The following ADGRV1 variants were observed in gnomAD, a reference collection of about 807,000 sequenced individuals.
The protein encoded by ADGRV1 is adhesion G protein-coupled receptor V1.
In ADGRV1, 359 loss-of-function variants were observed where a neutral mutation model predicts 596.2. The ratio of observed to expected loss-of-function variants is 0.60; its 90% CI spans 0.55 to 0.66. The LOEUF (loss-of-function observed/expected upper bound fraction) is 0.66. Among genes scored for constraint, ADGRV1 ranks in the 30% least tolerant of loss-of-function variants. ADGRV1 has a pLI of 0.00. For missense variants in ADGRV1, 7,274 were observed against 7,575.6 expected (o/e 0.96, Z 1.48); for synonymous variants, 2,681 against 2,679.2 (o/e 1.00, Z -0.02).
intron 87 of ADGRV1, among the ~76,000 whole-genome samples, chr5:91,135,178 C>CA (rs70973732): frequency 0.086 from 7,952 of 92,682 alleles, 259 homozygotes; most frequent in African/African-American, 0.11. Context: ...GACTCCATCT[C>CA]AAAAAAAAAA....
At chr5:90,700,762 T>A (rs1747808435) in intron 34 of ADGRV1, among the ~76,000 whole-genome samples, 2 of 152,204 alleles carry the variant, frequency 1.3e-5, no homozygotes, top group African/African-American at 4.8e-5. Flanking sequence ...ACTGTTCTTT[T>A]TGACAGTCTG....
chr5:90,748,762 A>G (rs975200721), intron 52 of ADGRV1, among the ~76,000 whole-genome samples: 2 of 151,836 alleles, frequency 1.3e-5, no homozygotes, highest in Non-Finnish European at 2.9e-5. Context: ...TTTTATCCTT[A>G]TAAAAAGTTT....
chr5:90,961,609 AATTGAGGTTT>A (rs1778040727), intron 83 of ADGRV1, among the ~76,000 whole-genome samples: 1 of 151,638 alleles, frequency 6.6e-6, no homozygotes, highest in African/African-American at 2.4e-5. Context: ...GAGCACTGAG[AATTGAGGTTT>A]ATAGGAAAAC....
At chr5:90,817,446 T>G (rs1460862763) in intron 75 of ADGRV1, among the ~76,000 whole-genome samples, 9 of 151,392 alleles carry the variant, frequency 5.9e-5, no homozygotes, top group African/African-American at 1.7e-4. Context: ...TTTTGGCTTT[T>G]GTTGCCATTG....
chr5:90,674,369 C>A, intron 23 of ADGRV1, 135 bp downstream of exon 23: 1 of 500,442 alleles, frequency 2.0e-6, no homozygotes, highest in Non-Finnish European at 3.4e-6. Flanking sequence ...AACTCTTTAA[C>A]TTGTATGCTA....
In ADGRV1 at chr5:90,778,901, G is replaced by A; in HGVS notation, c.12886G>A (p.Gly4296Ser). 1 of 1,613,176 alleles carries A rather than the reference G, an allele frequency of 6.2e-7. No individual in the cohort carries two copies. The highest frequency in any genetic ancestry group is 1.1e-5 in the South Asian group (1 of 90,996). ...ITIIRSSGDF[G>S]HVRLWYKTMS... is the part of the protein sequence containing the mutation. ...AATCATCCGTTCCAGTGGAGATTTT[G>A]GCCATGTGCGACTCTGGTACAAGAC... Residue 4296 changes from glycine to serine, a missense_variant, in exon 64 of 90, where the codon GGC (glycine) becomes AGC (serine). By Grantham distance (56) the Gly-to-Ser change is moderately conservative. This residue lies in a region of ADGRV1 where 3,643 missense variants were observed against 3,809.2 expected (regional missense o/e 0.96). Transcript: ENST00000405460.
At chr5:91,154,566 C>T (rs923508976) in intron 89 of ADGRV1, among the ~76,000 whole-genome samples, 1 of 152,210 alleles carries the variant, frequency 6.6e-6, no homozygotes, top group Admixed American at 6.5e-5. Context: ...AACCGCCTCT[C>T]GAGTGCTTTG....
chr5:90,879,889 T>G (rs1769590276), intron 83 of ADGRV1, among the ~76,000 whole-genome samples: 1 of 152,122 alleles, frequency 6.6e-6, no homozygotes, highest in Non-Finnish European at 1.5e-5. Context: ...AGGCAGAGGT[T>G]GCTGTGAGCT....
At chr5:90,862,552 G>A (rs924195554) in intron 82 of ADGRV1, among the ~76,000 whole-genome samples, 1 of 152,084 alleles carries the variant, frequency 6.6e-6, no homozygotes, top group Admixed American at 6.6e-5. Context: ...ACAATATCTA[G>A]CATGACTCTG....
At chr5:90,674,341 C>G in intron 23 of ADGRV1, 107 bp downstream of exon 23, 1 of 659,942 alleles carries the variant, frequency 1.5e-6, no homozygotes, top group East Asian at 2.9e-5. Flanking sequence ...AGAATGCCTT[C>G]AGACCTCCTA....
At chr5:91,150,316 A>C (rs1582225021) in intron 88 of ADGRV1, 95 bp downstream of exon 88, 1 of 986,558 alleles carries the variant, frequency 1.0e-6, no homozygotes. Flanking sequence ...TGTCTCATTG[A>C]CAGGCTCTCC....
In ADGRV1 at chr5:90,692,628, T is replaced by C. The variant is rs202030777; in HGVS notation, c.6975T>C (p.Asp2325=). The C allele has an allele frequency of 4.7e-4, 756 of 1,609,930 alleles. No homozygotes were observed. Among genetic ancestry groups the C allele is most frequent in the Admixed American group, 6.4e-4 (38 of 59,258 alleles). Residue 2325 remains aspartate, a synonymous_variant, in exon 32 of 90, where the codon GAT becomes GAC. Transcript: ENST00000405460. ...AGGTTATCCAAGTGCAACTAACTGA[T>C]GCCTCTGGTGGAGGTACTATTGGGT... ...IEEVIQVQLT[D]ASGGGTIGLD... is the part of the protein sequence containing the mutation.
intron 59 of ADGRV1, among the ~76,000 whole-genome samples, chr5:90,768,617 A>G (rs183654004): frequency 6.6e-6 from 1 of 152,188 alleles, no homozygotes; most frequent in Non-Finnish European, 1.5e-5. Context: ...CCCATCTTAC[A>G]GGGAAATTCT....
At chr5:90,604,707 T>G (rs1761853253) in intron 1 of ADGRV1, among the ~76,000 whole-genome samples, 1 of 152,194 alleles carries the variant, frequency 6.6e-6, no homozygotes, top group African/African-American at 2.4e-5. Context: ...TTAAGAAATC[T>G]TAGTTAAACA....
intron 70 of ADGRV1, among the ~76,000 whole-genome samples, chr5:90,796,332 C>T (rs1398050624): frequency 6.6e-6 from 1 of 151,660 alleles, no homozygotes; most frequent in East Asian, 1.9e-4. Context: ...GTGAAGCATA[C>T]ACAAATATCA....
Position 91,150,084 on chromosome 5 carries a change from A to G in ADGRV1, c.18487A>G (p.Met6163Val). The stretch of plus-strand genomic sequence containing the variant: ...TTTACACAACCAAATGTGTTGCCCT[A>G]TGAAGGCCAGTTACACTGTGGAAAT... The part of the protein sequence containing the change: ...FILHNQMCCP[M>V]KASYTVEMNG... Residue 6163 changes from methionine to valine, a missense_variant, in exon 88 of 90, where the codon ATG (methionine) becomes GTG (valine). Met to Val is a conservative substitution (Grantham distance 21). Around this residue, in one of 5 missense-constraint regions of ADGRV1, gnomAD observed 1,874 missense variants for 1,970.2 expected, o/e 0.95. Coordinates refer to ENST00000405460, the MANE Select transcript of ADGRV1 (RefSeq NM_032119.4). The G allele has an allele frequency of 1.3e-6, 2 of 1,549,312 alleles. No individual in the cohort carries two copies. Among genetic ancestry groups the G allele is most frequent in the Non-Finnish European group, 1.7e-6 (2 of 1,149,802 alleles).
chr5:90,778,818 T>A (rs1353975595), intron 63 of ADGRV1, 47 bp from the exon 64 acceptor site: 20 of 1,471,116 alleles, frequency 1.4e-5, no homozygotes, highest in Non-Finnish European at 1.9e-5. Flanking sequence ...CAGTATTGTC[T>A]GGTAGATTAA....
chr5:90,889,289 T>C (rs1770582009), intron 83 of ADGRV1, among the ~76,000 whole-genome samples: 1 of 152,136 alleles, frequency 6.6e-6, no homozygotes, highest in Non-Finnish European at 1.5e-5. Flanking sequence ...AAAGAGACCT[T>C]TTTAAATATT....
Position 90,794,836 on chromosome 5 carries a change from C to T in ADGRV1, c.14517+3490C>T, listed in dbSNP as rs780274325. Among the ~76,000 whole-genome samples, 23 of 152,064 alleles carry T rather than the reference C, an allele frequency of 1.5e-4. No individual in the cohort carries two copies. The Middle Eastern group carries it at 0.01, about 67-fold the overall frequency. On this transcript the variant is annotated intron_variant, in intron 70 of 89. Coordinates refer to ENST00000405460, the MANE Select transcript of ADGRV1 (RefSeq NM_032119.4). ...TGGGTGCAGTCCATGGAGGGCAAGC[C>T]GAAGCAGGGTAGGGTGACGCCTCAC...
Sources: allele counts gnomAD v4.1 joint callset (sites outside exome capture counted in the v4.1 genomes callset), GRCh38; gene constraint gnomAD v4.1.1; regional missense constraint gnomAD v4.1.1; transcripts MANE v1.5; gene names NCBI Gene and HGNC (gene_info 2026-07-23, HGNC 2026-07-21).